Variants in MAD1L1 observed in about 807,000 individuals in gnomAD.
The protein encoded by MAD1L1 is mitotic arrest deficient 1 like 1.
A neutral mutation model predicts 96.9 loss-of-function variants in MAD1L1; 95 were observed. The ratio of observed to expected loss-of-function variants is 0.98; its 90% CI spans 0.83 to 1.16. The LOEUF (loss-of-function observed/expected upper bound fraction) is 1.16, where lower values mean the gene tolerates loss of function less well. Among genes scored for constraint, MAD1L1 ranks in the 50% most tolerant of loss-of-function variants. The pLI is 0.00. For synonymous variants in MAD1L1, 473 were observed against 396.6 expected, an observed-to-expected ratio of 1.19 and a Z score of -2.29; for missense variants, 1,007 against 954.4, an observed-to-expected ratio of 1.06 and a Z score of -0.73.
At chr7:1,922,089 G>C (rs1333092994) in intron 17 of MAD1L1, among the ~76,000 whole-genome samples, 1 of 152,234 alleles carries the variant, frequency 6.6e-6, no homozygotes, top group Non-Finnish European at 1.5e-5. Flanking sequence ...ACGATGGAGG[G>C]AGTGCAGCCA....
Position 1,831,879 on chromosome 7 carries a change from A to C in MAD1L1, c.1999-15651T>G, listed in dbSNP as rs577871849. On this transcript the variant is annotated intron_variant, in intron 18 of 18. Transcript: ENST00000265854. ...GTTGAGACCTCCTGCTCAGAAAACA[A>C]AATTCCTTTCAAAATATTATTGCTC... Among the ~76,000 whole-genome samples, 841 of 152,326 alleles carry C rather than the reference A, an allele frequency of 5.5e-3. 8 individuals are homozygous for C. Among genetic ancestry groups the C allele is most frequent in the African/African-American group, 0.019 (797 of 41,562 alleles).
At chr7:2,099,609 G>A (rs1007629257) in intron 11 of MAD1L1, among the ~76,000 whole-genome samples, 2 of 100,270 alleles carry the variant, frequency 2.0e-5, no homozygotes, top group South Asian at 4.0e-4. Context: ...TGAGCGCATC[G>A]GGCTGGGAGA....
intron 15 of MAD1L1, among the ~76,000 whole-genome samples, chr7:1,967,403 A>G (rs573836417): frequency 5.3e-5 from 8 of 152,352 alleles, no homozygotes; most frequent in African/African-American, 1.9e-4. Context: ...AAAGACAGAG[A>G]TTGCCATGAT....
chr7:2,072,123 C>T (rs891840012), intron 11 of MAD1L1, among the ~76,000 whole-genome samples: 4 of 152,278 alleles, frequency 2.6e-5, no homozygotes, highest in South Asian at 4.1e-4. Flanking sequence ...ACCTGCGGCT[C>T]GCGACCAGCA....
At chr7:2,025,727 A>G (rs118001994) in intron 12 of MAD1L1, among the ~76,000 whole-genome samples, 337 of 152,366 alleles carry the variant, frequency 2.2e-3, no homozygotes, top group South Asian at 7.5e-3. Flanking sequence ...CTACGAATGG[A>G]GCAAAATGTA....
chr7:1,942,426 C>T lies in MAD1L1; in HGVS notation c.1597-5529G>A, dbSNP rs1779044723. On this transcript the variant is annotated intron_variant, in intron 16 of 18. Coordinates refer to ENST00000265854, the MANE Select transcript of MAD1L1 (RefSeq NM_001013836.2). Reference sequence around the variant, plus strand: ...CAGCGCAGAGTCAGGCACACCATTCCATGCCTCGGAGCCCGCGCGCCACAC... The same window carrying T: ...CAGCGCAGAGTCAGGCACACCATTCTATGCCTCGGAGCCCGCGCGCCACAC... 2.0e-5 allele frequency among the ~76,000 whole-genome samples: 3 copies of T among 152,240 alleles called. No homozygotes were observed. In the South Asian group the frequency reaches 6.2e-4, roughly 32 times the overall value.
At position 2,219,370 on chromosome 7, in the gene MAD1L1, C is replaced by T; in HGVS notation, c.558G>A (p.Glu186=). The T allele has an allele frequency of 6.2e-7, 1 of 1,602,778 alleles. No homozygotes were observed. The highest frequency in any genetic ancestry group is 8.5e-7 in the Non-Finnish European group (1 of 1,174,264). Residue 186 remains glutamate, a synonymous_variant, in exon 6 of 19, where the codon GAG becomes GAA. Transcript: ENST00000265854. ...CCAGCTGCTCCTGCAGCTCCTGCTT[C>T]TCCGACTCCAGGCGCTTCACCCGCA... ...QEMRVKRLES[E]KQELQEQLDL...
intron 12 of MAD1L1, among the ~76,000 whole-genome samples, chr7:2,038,623 C>T (rs1164364692): frequency 6.7e-6 from 1 of 149,142 alleles, no homozygotes; most frequent in Admixed American, 6.9e-5. Context: ...AGCAATTCTC[C>T]TGCCTCAGCC....
At chr7:1,831,731 T>C (rs1782712808) in intron 18 of MAD1L1, among the ~76,000 whole-genome samples, 1 of 152,238 alleles carries the variant, frequency 6.6e-6, no homozygotes, top group African/African-American at 2.4e-5. Context: ...AAATGAGCTC[T>C]TGGGGCCCTT....
chr7:2,190,842 C>T (rs1000880241), intron 10 of MAD1L1, among the ~76,000 whole-genome samples: 1 of 152,004 alleles, frequency 6.6e-6, no homozygotes, highest in African/African-American at 2.4e-5. Context: ...TGAAAGAGCT[C>T]GGGATGTGGG....
chr7:2,132,515 G>A (rs1463428718), intron 11 of MAD1L1, among the ~76,000 whole-genome samples: 1 of 152,164 alleles, frequency 6.6e-6, no homozygotes, highest in Admixed American at 6.5e-5. Flanking sequence ...GTGAAGAGTA[G>A]GTTCATTCCC....
chr7:2,044,266 T>C (rs1584170917), intron 12 of MAD1L1, among the ~76,000 whole-genome samples: 1 of 152,118 alleles, frequency 6.6e-6, no homozygotes, highest in East Asian at 1.9e-4. Context: ...GCTGGGACAA[T>C]CTCCGCTCTC....
chr7:1,881,407 T>G (rs550999229), intron 18 of MAD1L1, among the ~76,000 whole-genome samples: 1 of 152,296 alleles, frequency 6.6e-6, no homozygotes, highest in Non-Finnish European at 1.5e-5. Context: ...TTAATTAATT[T>G]TATCCAAACT....
At chr7:2,074,519 C>A (rs750948822) in intron 11 of MAD1L1, among the ~76,000 whole-genome samples, 1 of 152,216 alleles carries the variant, frequency 6.6e-6, no homozygotes, top group Non-Finnish European at 1.5e-5. Flanking sequence ...GAGAACAGGG[C>A]AGCAGCCCAT....
Position 2,182,079 on chromosome 7 carries a change from A to T in MAD1L1, c.986+31133T>A, listed in dbSNP as rs560634684. ...AAAATCTCAGAAACCACAACTAAAG[A>T]GCTTTTCCATGCAATCAAACACCAC... On this transcript the variant is annotated intron_variant, in intron 10 of 18. Coordinates refer to ENST00000265854, the MANE Select transcript of MAD1L1 (RefSeq NM_001013836.2). Among the ~76,000 whole-genome samples, 5 of 152,242 alleles carry T rather than the reference A, an allele frequency of 3.3e-5. No homozygotes were observed. In the East Asian group the frequency reaches 7.7e-4, roughly 23 times the overall value.
At chr7:2,016,934 G>A (rs532539898) in intron 12 of MAD1L1, among the ~76,000 whole-genome samples, 35 of 152,372 alleles carry the variant, frequency 2.3e-4, no homozygotes, top group Admixed American at 1.7e-3. Context: ...CAGTACCAAC[G>A]CGCGGACGCC....
chr7:1,913,558 T>C (rs1450440979), intron 17 of MAD1L1, among the ~76,000 whole-genome samples: 1 of 151,344 alleles, frequency 6.6e-6, no homozygotes, highest in East Asian at 1.9e-4. Context: ...GTCCTGGGGG[T>C]TGGCGTGGGG....
chr7:2,081,724 C>T (rs936032362), intron 11 of MAD1L1, among the ~76,000 whole-genome samples: 2 of 152,234 alleles, frequency 1.3e-5, no homozygotes, highest in African/African-American at 2.4e-5. Context: ...GGCCCAGGCC[C>T]GGCGGAGGGG....
intron 10 of MAD1L1, among the ~76,000 whole-genome samples, chr7:2,154,396 T>G (rs564572347): frequency 1.3e-5 from 2 of 152,156 alleles, no homozygotes; most frequent in African/African-American, 2.4e-5. Context: ...TACAGTTAGA[T>G]GAAAGGTATA....
Sources: allele counts gnomAD v4.1 joint callset (sites outside exome capture counted in the v4.1 genomes callset), GRCh38; gene constraint gnomAD v4.1.1; transcripts MANE v1.5; gene names NCBI Gene and HGNC (gene_info 2026-07-23, HGNC 2026-07-21).